The following HEMK2 variants were observed in gnomAD, a reference collection of about 807,000 sequenced individuals.
HEMK2 encodes HemK methyltransferase 2, ETF1 glutamine and histone H4 lysine.
chr21:28,850,430 T>C, the HEMK2 span, among the ~76,000 whole-genome samples: 1 of 152,024 alleles, frequency 6.6e-6, no homozygotes, highest in Admixed American at 6.5e-5. Context: ...TTCACCGTGT[T>C]AGCCAGGATG....
the HEMK2 span, among the ~76,000 whole-genome samples, chr21:28,848,947 G>A: frequency 1.3e-5 from 2 of 152,166 alleles, no homozygotes; most frequent in Non-Finnish European, 1.5e-5. Context: ...ATGAGTGCAC[G>A]CAGGAACTCT....
the HEMK2 span, among the ~76,000 whole-genome samples, chr21:28,762,672 G>A: frequency 6.6e-6 from 1 of 152,082 alleles, no homozygotes. Context: ...ACTGCAGCGG[G>A]TTTATTATTG....
At chr21:28,772,609 G>A in the HEMK2 span, among the ~76,000 whole-genome samples, 9 of 152,232 alleles carry the variant, frequency 5.9e-5, no homozygotes, top group African/African-American at 1.9e-4. Flanking sequence ...AAATTATAGC[G>A]TTTTGGCAAG....
the HEMK2 span, among the ~76,000 whole-genome samples, chr21:28,588,786 A>G: frequency 6.6e-6 from 1 of 152,058 alleles, no homozygotes; most frequent in Admixed American, 6.6e-5. Flanking sequence ...GATCGAGACC[A>G]TCCTGGCTAA....
chr21:28,742,388 C>T, the HEMK2 span, among the ~76,000 whole-genome samples: 1 of 152,170 alleles, frequency 6.6e-6, no homozygotes, highest in African/African-American at 2.4e-5. Flanking sequence ...ACAATTATTT[C>T]TTTGTTAACA....
the HEMK2 span, among the ~76,000 whole-genome samples, chr21:28,866,904 C>T: frequency 6.6e-6 from 1 of 152,024 alleles, no homozygotes; most frequent in East Asian, 1.9e-4. Flanking sequence ...GCAAAAATAC[C>T]TAATGGCTAA....
chr21:28,611,125 C>T, the HEMK2 span, among the ~76,000 whole-genome samples: 1 of 152,152 alleles, frequency 6.6e-6, no homozygotes, highest in Admixed American at 6.5e-5. Context: ...ATGGAACATT[C>T]CCCAAGATAG....
chr21:28,800,290 C>G, the HEMK2 span, among the ~76,000 whole-genome samples: 1 of 152,114 alleles, frequency 6.6e-6, no homozygotes, highest in African/African-American at 2.4e-5. Flanking sequence ...TCTTGGATGG[C>G]TTCACGTTGT....
chr21:28,775,306 T>C, the HEMK2 span, among the ~76,000 whole-genome samples: 26 of 151,738 alleles, frequency 1.7e-4, no homozygotes, highest in African/African-American at 5.8e-4. Flanking sequence ...GCAGACAGAG[T>C]GAAGGAAGAG....
the HEMK2 span, among the ~76,000 whole-genome samples, chr21:28,833,535 A>G: frequency 6.6e-6 from 1 of 152,254 alleles, no homozygotes; most frequent in Non-Finnish European, 1.5e-5. Flanking sequence ...CAGTGCTTTA[A>G]CTAAACAGAA....
chr21:28,826,813 C>T, the HEMK2 span, among the ~76,000 whole-genome samples: 1 of 152,072 alleles, frequency 6.6e-6, no homozygotes, highest in Non-Finnish European at 1.5e-5. Context: ...GAACTTTAGC[C>T]GCAGTGAATT....
At chr21:28,811,081 T>C in the HEMK2 span, among the ~76,000 whole-genome samples, 1 of 152,030 alleles carries the variant, frequency 6.6e-6, no homozygotes, top group Non-Finnish European at 1.5e-5. Context: ...ACCAACTATG[T>C]ACAGAAAATC....
chr21:28,618,080 G>A, the HEMK2 span, among the ~76,000 whole-genome samples: 801 of 152,234 alleles, frequency 5.3e-3, 12 homozygotes, highest in African/African-American at 0.019. Flanking sequence ...GAGCCACCAC[G>A]CCCAGCCTTG....
At chr21:28,864,100 G>C in the HEMK2 span, among the ~76,000 whole-genome samples, 3 of 152,274 alleles carry the variant, frequency 2.0e-5, no homozygotes, top group East Asian at 5.8e-4. Flanking sequence ...CAAAGTGCTG[G>C]GGTTACAGGC....
At chr21:28,625,825 T>C in the HEMK2 span, among the ~76,000 whole-genome samples, 1 of 107,236 alleles carries the variant, frequency 9.3e-6, no homozygotes, top group Non-Finnish European at 2.1e-5. Context: ...GATGGAAATA[T>C]GGATCTACAC....
At chr21:28,873,270 T>A in the HEMK2 span, 1 of 152,146 alleles carries the variant, frequency 6.6e-6, no homozygotes, top group East Asian at 1.9e-4. Flanking sequence ...GTTAAAAAAA[T>A]TAACAATATT....
At chr21:28,831,929 TA>T in the HEMK2 span, among the ~76,000 whole-genome samples, 1,964 of 152,244 alleles carry the variant, frequency 0.013, 36 homozygotes, top group African/African-American at 0.044. Flanking sequence ...TTTTGTAAGG[TA>T]TATAGTATAA....
At chr21:28,808,688 A>C in the HEMK2 span, among the ~76,000 whole-genome samples, 23 of 152,234 alleles carry the variant, frequency 1.5e-4, no homozygotes, top group East Asian at 4.2e-3. Flanking sequence ...CTAGTATATG[A>C]AATAAAATTG....
At chr21:28,798,371 T>TC in the HEMK2 span, among the ~76,000 whole-genome samples, 1 of 152,180 alleles carries the variant, frequency 6.6e-6, no homozygotes, top group African/African-American at 2.4e-5. Flanking sequence ...CTCTCTGTGC[T>TC]CAGTTTACTC....
Sources: gnomAD v4.1 joint callset for allele counts (sites outside exome capture counted in the v4.1 genomes callset) on GRCh38, gnomAD v4.1.1 for gene constraint, MANE v1.5 for transcripts, NCBI Gene and HGNC (gene_info 2026-07-23, HGNC 2026-07-21) for gene names.